Variants in ARHGAP22 observed in about 807,000 individuals in gnomAD.
ARHGAP22 encodes the protein rho GTPase-activating protein 22.
ARHGAP22 carries 48 observed loss-of-function variants against 59.1 expected under a neutral mutation model. The observed-to-expected ratio is 0.81, with a 90% CI of 0.64 to 1.03. The LOEUF is 1.03. ARHGAP22 is among the 50% of genes least tolerant of loss of function. ARHGAP22 has a pLI of 0.00. For missense variants in ARHGAP22, 1,015 were observed against 958.7 expected (o/e 1.06, Z -0.78); for synonymous variants, 445 against 416.4 (o/e 1.07, Z -0.84).
At chr10:48,466,398 C>T (rs915922733) in intron 4 of ARHGAP22, among the ~76,000 whole-genome samples, 1 of 151,998 alleles carries the variant, frequency 6.6e-6, no homozygotes, top group Admixed American at 6.6e-5. Context: ...GGGAACCGTC[C>T]CGCAGCACCA....
chr10:48,454,869 C>T, intron 6 of ARHGAP22, 133 bp downstream of exon 6: 1 of 1,207,258 alleles, frequency 8.3e-7, no homozygotes, highest in Non-Finnish European at 1.1e-6. Context: ...CCCCACCACA[C>T]CCCCAACACA....
At chr10:48,444,445 C>CAAT (rs766643440), downstream of ARHGAP22, 5 of 152,192 alleles carry the variant, frequency 3.3e-5, no homozygotes, top group Non-Finnish European at 7.3e-5. Context: ...ATAATCATGC[C>CAAT]AATTCATTTT....
chr10:48,451,307 TC>T, intron 8 of ARHGAP22, 167 bp from the exon 9 acceptor site: 1 of 936,500 alleles, frequency 1.1e-6, no homozygotes, highest in Non-Finnish European at 1.7e-6. Flanking sequence ...CCACACACCC[TC>T]CAACTCCAGG....
intron 1 of ARHGAP22, among the ~76,000 whole-genome samples, chr10:48,647,654 T>A (rs1283431429): frequency 6.6e-6 from 1 of 152,164 alleles, no homozygotes. Context: ...ATTTTGACAG[T>A]TTCTTAAAAA....
intron 2 of ARHGAP22, among the ~76,000 whole-genome samples, chr10:48,569,894 G>A (rs1366273884): frequency 2.6e-5 from 4 of 152,150 alleles, no homozygotes; most frequent in Admixed American, 6.5e-5. Flanking sequence ...CTTTTCCTAG[G>A]ACAGTAGCAG....
At chr10:48,617,747 A>T (rs2061136997) in intron 1 of ARHGAP22, among the ~76,000 whole-genome samples, 1 of 152,048 alleles carries the variant, frequency 6.6e-6, no homozygotes, top group African/African-American at 2.4e-5. Flanking sequence ...AAGTAGAAAG[A>T]TTTCAAATAA....
At chr10:48,545,612 G>C (rs780243694) in intron 3 of ARHGAP22, among the ~76,000 whole-genome samples, 1 of 152,204 alleles carries the variant, frequency 6.6e-6, no homozygotes, top group African/African-American at 2.4e-5. Flanking sequence ...CTCAGGCGGC[G>C]GCTAATGTGA....
chr10:48,551,150 T>C (rs2056863442), intron 3 of ARHGAP22, among the ~76,000 whole-genome samples: 1 of 152,196 alleles, frequency 6.6e-6, no homozygotes, highest in South Asian at 2.1e-4. Context: ...GTTCCCTCCC[T>C]GGTGGACGGT....
intron 3 of ARHGAP22, among the ~76,000 whole-genome samples, chr10:48,546,043 C>A (rs1478088918): frequency 4.6e-5 from 7 of 152,222 alleles, no homozygotes; most frequent in Non-Finnish European, 8.8e-5. Context: ...AACAGGCCCC[C>A]AAGGCAGAGA....
chr10:48,465,248 C>T (rs1369983155), intron 4 of ARHGAP22, among the ~76,000 whole-genome samples: 2 of 152,360 alleles, frequency 1.3e-5, no homozygotes, highest in Admixed American at 1.3e-4. Context: ...GCTCTGCCAC[C>T]GCAGGGGAAA....
upstream of ARHGAP22, among the ~76,000 whole-genome samples, chr10:48,609,725 C>T (rs756642346): frequency 9.2e-5 from 14 of 152,100 alleles, no homozygotes; most frequent in Non-Finnish European, 7.4e-5. Context: ...GTATGGAGTT[C>T]GGCACCTTTA....
the ARHGAP22 span, chr10:48,435,085 A>G: frequency 1.5e-6 from 2 of 1,336,332 alleles, no homozygotes; most frequent in Admixed American, 4.8e-5. Flanking sequence ...CATTGATAGA[A>G]CTACTTTGAA....
chr10:48,447,936 C>T (rs929045983), intron 9 of ARHGAP22, among the ~76,000 whole-genome samples: 1 of 152,090 alleles, frequency 6.6e-6, no homozygotes, highest in Non-Finnish European at 1.5e-5. Context: ...CCGCTTCCCC[C>T]ACCTCCACCT....
chr10:48,623,868 G>T (rs905411063), intron 1 of ARHGAP22: 1 of 152,192 alleles, frequency 6.6e-6, no homozygotes, highest in Admixed American at 6.5e-5. Context: ...ATTCAAATTG[G>T]TGACAAAATA....
intron 4 of ARHGAP22, among the ~76,000 whole-genome samples, 186 bp from the exon 5 acceptor site, chr10:48,460,077 C>T (rs2046990276): frequency 6.6e-6 from 1 of 152,158 alleles, no homozygotes; most frequent in African/African-American, 2.4e-5. Context: ...TGGGAGGATG[C>T]ACACCAGGAG....
chr10:48,588,911 GC>G (rs1372213977), intron 1 of ARHGAP22, among the ~76,000 whole-genome samples: 1 of 152,152 alleles, frequency 6.6e-6, no homozygotes, highest in Admixed American at 6.5e-5. Context: ...GTGGAGGGAG[GC>G]CCCAGGCCAG....
intron 2 of ARHGAP22, 86 bp from the exon 3 acceptor site, chr10:48,555,636 T>A (rs1461022033): frequency 7.3e-7 from 1 of 1,360,588 alleles, no homozygotes; most frequent in African/African-American, 1.4e-5. Flanking sequence ...GAGGAGAGGT[T>A]AGGACCTGGG....
At chr10:48,587,989 T>C (rs145622505) in intron 1 of ARHGAP22, among the ~76,000 whole-genome samples, 2 of 152,370 alleles carry the variant, frequency 1.3e-5, no homozygotes, top group African/African-American at 4.8e-5. Flanking sequence ...TCCCTGTGCA[T>C]AGGACCATGG....
At chr10:48,576,005 C>T (rs560793964) in intron 2 of ARHGAP22, among the ~76,000 whole-genome samples, 3 of 152,346 alleles carry the variant, frequency 2.0e-5, no homozygotes, top group South Asian at 4.1e-4. Flanking sequence ...AACCCACAAC[C>T]TTCACTGACC....
Sources: gnomAD v4.1 joint callset for allele counts (sites outside exome capture counted in the v4.1 genomes callset) on GRCh38, gnomAD v4.1.1 for gene constraint, MANE v1.5 for transcripts, NCBI Gene and HGNC (gene_info 2026-07-23, HGNC 2026-07-21) for gene names.